Variants in PBX1 observed in about 807,000 individuals in gnomAD.
PBX1 encodes the protein pre-B-cell leukemia transcription factor 1.
PBX1 carries 6 observed loss-of-function variants against 53.4 expected under a neutral mutation model. The observed-to-expected ratio is 0.11, with a 90% CI of 0.06 to 0.22. The LOEUF (loss-of-function observed/expected upper bound fraction) is 0.22. PBX1 is among the 10% of genes least tolerant of loss of function. The pLI, the probability that PBX1 is intolerant of heterozygous loss-of-function variation, is 1.00. For synonymous variants in PBX1, 204 were observed against 212.3 expected (o/e 0.96, Z 0.34); for missense variants, 251 against 551.4 (o/e 0.46, Z 5.46).
intron 2 of PBX1, among the ~76,000 whole-genome samples, chr1:164,777,344 A>G (rs2102265400): frequency 6.6e-6 from 1 of 152,008 alleles, no homozygotes; most frequent in Non-Finnish European, 1.5e-5. Flanking sequence ...AATCGCTTGA[A>G]CCCGGGAGGC....
At chr1:164,642,342 C>A (rs1659193291) in intron 2 of PBX1, 1 of 152,154 alleles carries the variant, frequency 6.6e-6, no homozygotes, top group South Asian at 2.1e-4. Flanking sequence ...AAAAATAGAA[C>A]CTAGGTATGA....
chr1:164,705,820 A>C (rs1169650138), intron 2 of PBX1, among the ~76,000 whole-genome samples: 1 of 152,216 alleles, frequency 6.6e-6, no homozygotes, highest in Non-Finnish European at 1.5e-5. Context: ...GAAGGTTTTC[A>C]TGGTAGATAC....
intron 2 of PBX1, among the ~76,000 whole-genome samples, chr1:164,623,389 A>G (rs1030083172): frequency 3.3e-5 from 5 of 152,194 alleles, no homozygotes; most frequent in Middle Eastern, 3.2e-3. Flanking sequence ...CGTGTGCACC[A>G]TGTGTTAGGT....
intron 2 of PBX1, among the ~76,000 whole-genome samples, chr1:164,681,184 A>G (rs568993335): frequency 6.6e-6 from 1 of 152,316 alleles, no homozygotes; most frequent in African/African-American, 2.4e-5. Context: ...GTTCGAGGCT[A>G]TAGTGTGAGA....
In PBX1 at chr1:164,661,793, G is replaced by A. The variant is rs527984306; in HGVS notation, c.265+98482G>A. 2.6e-4 allele frequency among the ~76,000 whole-genome samples: 39 copies of A among 152,118 alleles called. No individual in the cohort carries two copies. In the South Asian group the frequency reaches 3.3e-3, roughly 13 times the overall value. ...GGTATTAGTTAATGTGTACATAGGC[G>A]TTATCACCTCATTGGAAGTTAAAAG... On this transcript the variant is annotated intron_variant, in intron 2 of 8. Transcript: ENST00000420696.
chr1:164,575,647 G>A (rs1461865597), intron 2 of PBX1, among the ~76,000 whole-genome samples: 1 of 152,168 alleles, frequency 6.6e-6, no homozygotes, highest in Non-Finnish European at 1.5e-5. Flanking sequence ...CTAATGATGA[G>A]CCCTGCCTAC....
chr1:164,589,371 G>C (rs1286161655), intron 2 of PBX1, among the ~76,000 whole-genome samples: 1 of 152,034 alleles, frequency 6.6e-6, no homozygotes, highest in Non-Finnish European at 1.5e-5. Flanking sequence ...GCGGGGAGAG[G>C]GAAGAGTCTT....
chr1:164,666,237 T>C (rs1383070520), intron 2 of PBX1, among the ~76,000 whole-genome samples: 3 of 152,164 alleles, frequency 2.0e-5, no homozygotes, highest in Non-Finnish European at 4.4e-5. Context: ...CCACTTGGCG[T>C]CTCAGCCCTT....
chr1:164,691,283 G>C (rs1317116449), intron 2 of PBX1, among the ~76,000 whole-genome samples: 3 of 152,150 alleles, frequency 2.0e-5, no homozygotes, highest in South Asian at 2.1e-4. Context: ...CAAAGTGCTG[G>C]GGTTACAGGC....
At chr1:164,696,634 G>A (rs1662812906) in intron 2 of PBX1, among the ~76,000 whole-genome samples, 1 of 152,140 alleles carries the variant, frequency 6.6e-6, no homozygotes, top group Non-Finnish European at 1.5e-5. Flanking sequence ...ATAGGAATAA[G>A]GAAATCAGGG....
intron 2 of PBX1, among the ~76,000 whole-genome samples, chr1:164,773,449 A>G (rs1048074109): frequency 2.0e-5 from 3 of 152,182 alleles, no homozygotes; most frequent in African/African-American, 7.2e-5. Flanking sequence ...TGTTTTGAAA[A>G]TTAGGTTTAT....
At chr1:164,592,483 GAGA>G (rs915828072) in intron 2 of PBX1, among the ~76,000 whole-genome samples, 1 of 152,214 alleles carries the variant, frequency 6.6e-6, no homozygotes, top group Non-Finnish European at 1.5e-5. Context: ...GAAAGGAAAG[GAGA>G]AGTTGAGGCC....
At chr1:164,796,689 G>A (rs1668804232) in intron 3 of PBX1, among the ~76,000 whole-genome samples, 1 of 152,198 alleles carries the variant, frequency 6.6e-6, no homozygotes, top group African/African-American at 2.4e-5. Context: ...CCCTTTCAGT[G>A]TCTGCTTCCA....
At chr1:164,840,942 G>C (rs1297003402) in intron 8 of PBX1, among the ~76,000 whole-genome samples, 2 of 152,100 alleles carry the variant, frequency 1.3e-5, no homozygotes, top group African/African-American at 2.4e-5. Flanking sequence ...ATGTCACAGT[G>C]CCACCAAGTG....
intron 6 of PBX1, chr1:164,816,506 C>T (rs1669886164): frequency 1.3e-5 from 2 of 152,098 alleles, no homozygotes; most frequent in Admixed American, 1.3e-4. Context: ...CACTGAATTC[C>T]TTAAAAGGAA....
rs1438949755 is a variant in PBX1, at chr1:164,848,657, G to A, written c.*1981G>A. ...TTCCAAACTAGAAAAACAGGCCCTG[G>A]TTCCCTTAGTTTGCACTTGAACCCA... On this transcript the variant is annotated 3_prime_UTR_variant, in exon 9 of 9. Coordinates refer to ENST00000420696, the MANE Select transcript of PBX1 (RefSeq NM_002585.4). 7 of 1,055,880 alleles carry A rather than the reference G, an allele frequency of 6.6e-6. No homozygotes were observed. Among genetic ancestry groups the A allele is most frequent in the Non-Finnish European group, 8.0e-6 (7 of 873,586 alleles). 65.4% of individuals were successfully genotyped at this position (1,055,880 alleles called of 1,614,324 possible). A position where few individuals can be genotyped will look rare whatever the true frequency, so the allele number is the denominator to read the frequency against.
At chr1:164,861,982 T>C (rs1672109215) in intron 2 of PBX1, among the ~76,000 whole-genome samples, 1 of 152,186 alleles carries the variant, frequency 6.6e-6, no homozygotes. Flanking sequence ...GGGCCTCTTG[T>C]AAGGTCTAGT....
chr1:164,618,199 C>T (rs1246558700), intron 2 of PBX1, among the ~76,000 whole-genome samples: 3 of 152,056 alleles, frequency 2.0e-5, no homozygotes, highest in South Asian at 2.1e-4. Flanking sequence ...TCCTCCTCCC[C>T]GCCTCCCCAC....
At chr1:164,883,287 ATC>A (rs993711858) in intron 2 of PBX1, among the ~76,000 whole-genome samples, 5 of 152,192 alleles carry the variant, frequency 3.3e-5, no homozygotes, top group Non-Finnish European at 4.4e-5. Flanking sequence ...CATAAAAAAA[ATC>A]TGTCTTCAGC....
Sources: gnomAD v4.1 joint callset for allele counts (sites outside exome capture counted in the v4.1 genomes callset) on GRCh38, gnomAD v4.1.1 for gene constraint, MANE v1.5 for transcripts, NCBI Gene and HGNC (gene_info 2026-07-23, HGNC 2026-07-21) for gene names.